PROSER2: variants seen among roughly 807,000 people sequenced by gnomAD.
PROSER2 encodes the protein proline and serine-rich protein 2.
In PROSER2, 18 loss-of-function variants were observed where a neutral mutation model predicts 14.6. The ratio of observed to expected loss-of-function variants is 1.23; its 90% CI spans 0.85 to 1.83. The LOEUF (loss-of-function observed/expected upper bound fraction) is 1.83, where lower values mean the gene tolerates loss of function less well. Among genes scored for constraint, PROSER2 ranks in the 40% most tolerant of loss-of-function variants. The probability of loss-of-function intolerance (pLI) is 0.00; values close to 1 mark genes in which losing one functional copy is unlikely to be tolerated. For synonymous variants in PROSER2, 367 were observed against 286.4 expected (o/e 1.28, Z -2.84); for missense variants, 823 against 629.8 (o/e 1.31, Z -3.28).
chr10:11,837,230 C>G lies in PROSER2; in HGVS notation c.-82+13760C>G, dbSNP rs1234216973. ...TTGGAGAAGAAAAAAAAATCAAATG[C>G]TGAGGTCGCTGAGACCTACTGTAAG... is the stretch of plus-strand genomic sequence containing the variant. On this transcript the variant is annotated intron_variant, in intron 1 of 3. Coordinates refer to ENST00000277570, the MANE Select transcript of PROSER2 (RefSeq NM_153256.4). This position sits in a 1 kb window ranked among gnomAD's most constrained non-coding sequence, Gnocchi z 4.6. Among the ~76,000 whole-genome samples the G allele has an allele frequency of 1.3e-5, 2 of 152,162 alleles. No homozygotes were observed. The highest frequency in any genetic ancestry group is 4.8e-5 in the African/African-American group (2 of 41,442).
chr10:11,858,870 G>A (rs537153294), intron 2 of PROSER2, among the ~76,000 whole-genome samples: 30 of 151,876 alleles, frequency 2.0e-4, no homozygotes, highest in African/African-American at 6.3e-4. Flanking sequence ...TTAGCTGGGC[G>A]TGTTGGCAGG....
At chr10:11,832,180 G>A (rs553649469) in intron 1 of PROSER2, among the ~76,000 whole-genome samples, 4 of 152,278 alleles carry the variant, frequency 2.6e-5, no homozygotes, top group African/African-American at 7.2e-5. Flanking sequence ...GTGCTAAACC[G>A]TGACCGCATC....
In PROSER2 at chr10:11,870,679, C is replaced by G. The variant is rs977303695; in HGVS notation, c.*273C>G. On this transcript the variant is annotated 3_prime_UTR_variant, in exon 4 of 4. Coordinates refer to ENST00000277570, the MANE Select transcript of PROSER2 (RefSeq NM_153256.4). ...CAAGAACTGAGAGAGAGAGAATAAC[C>G]TGTTAGACCCATAGGTTTCCGTGAT... is the stretch of plus-strand genomic sequence containing the variant. 1 of 384,070 alleles carries G rather than the reference C, an allele frequency of 2.6e-6. No individual in the cohort carries two copies. Among genetic ancestry groups the G allele is most frequent in the African/African-American group, 2.1e-5 (1 of 46,918 alleles). The allele number at this position is 384,070 out of a possible 1,614,324, so 23.8% of individuals were successfully genotyped here.
At chr10:11,842,302 C>T (rs1435354278) in intron 1 of PROSER2, among the ~76,000 whole-genome samples, 1 of 150,596 alleles carries the variant, frequency 6.6e-6, no homozygotes, top group Non-Finnish European at 1.5e-5. Context: ...CAAATATTTA[C>T]ATTTTTATCA....
rs1228163633 is a variant in PROSER2, at chr10:11,837,648, GT to G, written c.-82+14180del. Among the ~76,000 whole-genome samples, 3 of 152,190 alleles carry G rather than the reference GT, an allele frequency of 2.0e-5. No homozygotes were observed. The highest frequency in any genetic ancestry group is 7.2e-5 in the African/African-American group (3 of 41,438). ...TAAGGGGAATAATTTTTCCATTCAC[GT>G]TCAGAACTACCAAAGACAGTAATGA... is the stretch of plus-strand genomic sequence containing the variant. On this transcript the variant is annotated intron_variant, in intron 1 of 3. Coordinates refer to ENST00000277570, the MANE Select transcript of PROSER2 (RefSeq NM_153256.4). This position sits in a 1 kb window ranked among gnomAD's most constrained non-coding sequence, Gnocchi z 4.6.
chr10:11,842,924 C>A (rs1833865071), intron 1 of PROSER2, among the ~76,000 whole-genome samples: 1 of 84,982 alleles, frequency 1.2e-5, no homozygotes, highest in African/African-American at 3.8e-5. Context: ...ACTATTTTGC[C>A]ATTGTTCTTT....
At chr10:11,863,317 C>A (rs1299708427) in intron 2 of PROSER2, among the ~76,000 whole-genome samples, 1 of 152,088 alleles carries the variant, frequency 6.6e-6, no homozygotes, top group Non-Finnish European at 1.5e-5. Context: ...CCTCTCAGAT[C>A]ACAGTGTGGA....
intron 1 of PROSER2, among the ~76,000 whole-genome samples, chr10:11,832,549 T>C (rs1833701926): frequency 6.6e-6 from 1 of 152,210 alleles, no homozygotes; most frequent in South Asian, 2.1e-4. Flanking sequence ...TGTTTATTGG[T>C]GTCAACTTTT....
chr10:11,870,168 G>T lies in PROSER2; in HGVS notation c.1070G>T (p.Ser357Ile). The change falls in exon 4 of 4, where the codon AGC becomes ATC. Residue 357 changes from serine to isoleucine, a missense_variant. Physicochemically the swap from Ser to Ile is moderately radical, Grantham distance 142. Coordinates refer to ENST00000277570, the MANE Select transcript of PROSER2 (RefSeq NM_153256.4). ...SAHEALKSAP[S>I]SFAPAGKSLC... ...CACGAGGCCCTGAAGAGCGCACCCA[G>T]CTCCTTCGCGCCCGCTGGGAAGTCC... is the stretch of plus-strand genomic sequence containing the variant. The T allele has an allele frequency of 6.8e-7, 1 of 1,476,616 alleles. No individual in the cohort carries two copies. The highest frequency in any genetic ancestry group is 8.9e-7 in the Non-Finnish European group (1 of 1,120,824). The allele number at this position is 1,476,616 out of a possible 1,614,324, so 91.5% of individuals were successfully genotyped here. A position where few individuals can be genotyped will look rare whatever the true frequency, so the allele number is the denominator to read the frequency against.
chr10:11,869,813 G>A lies in PROSER2; in HGVS notation c.715G>A (p.Gly239Ser). 6.4e-7 allele frequency: 1 copy of A among 1,562,510 alleles called. No homozygotes were observed. Among genetic ancestry groups the A allele is most frequent in the Non-Finnish European group, 8.6e-7 (1 of 1,157,214 alleles). The change falls in exon 4 of 4, where the codon GGC becomes AGC. Residue 239 changes from glycine to serine, a missense_variant. Physicochemically the swap from Gly to Ser is moderately conservative, Grantham distance 56. Transcript: ENST00000277570. The surrounding 1 kb of genome is among the most constrained non-coding windows in gnomAD (Gnocchi z 4.4). ...CCGGGGGCCCCGCAGTGGAGACCCT[G>A]GCCCGGGGCCCAGCCACCCGGCGCA... The part of the protein sequence containing the change: ...AARGPRSGDP[G>S]PGPSHPAQPK...
chr10:11,832,438 G>A (rs1323523682), intron 1 of PROSER2, among the ~76,000 whole-genome samples: 3 of 152,142 alleles, frequency 2.0e-5, no homozygotes, highest in African/African-American at 7.2e-5. Context: ...CCATTTTTAA[G>A]ATTAATTTTG....
intron 1 of PROSER2, among the ~76,000 whole-genome samples, chr10:11,844,072 A>T (rs57802728): frequency 7.2e-5 from 11 of 152,066 alleles, no homozygotes; most frequent in African/African-American, 2.7e-4. Context: ...GCTCACTGCC[A>T]CCTCCAACTC....
intron 1 of PROSER2, among the ~76,000 whole-genome samples, chr10:11,824,125 T>A (rs1333960063): frequency 1.3e-5 from 2 of 152,214 alleles, no homozygotes; most frequent in Non-Finnish European, 2.9e-5. Context: ...AGCATGTAGT[T>A]GTTTGGTGTA....
At position 11,869,366 on chromosome 10, in the gene PROSER2, A is replaced by C; in HGVS notation, c.392-124A>C. ...AACAGGGAGAGAGGAGTTGACTCAC[A>C]GGCAGCACCGGCGAAGTTGGTGTCA... On this transcript the variant is annotated intron_variant, in intron 3 of 3. Transcript: ENST00000277570. The surrounding 1 kb of genome is among the most constrained non-coding windows in gnomAD (Gnocchi z 4.4). The C allele has an allele frequency of 1.5e-6, 1 of 684,364 alleles. No individual in the cohort carries two copies. Among genetic ancestry groups the C allele is most frequent in the Non-Finnish European group, 2.6e-6 (1 of 381,504 alleles). The allele number at this position is 684,364 out of a possible 1,614,324, so 42.4% of individuals were successfully genotyped here. A position where few individuals can be genotyped will look rare whatever the true frequency, so the allele number is the denominator to read the frequency against.
Position 11,869,383 on chromosome 10 carries a change from T to C in PROSER2, c.392-107T>C, listed in dbSNP as rs1834417084. 1.3e-6 allele frequency: 1 copy of C among 778,854 alleles called. No homozygotes were observed. Among genetic ancestry groups the C allele is most frequent in the Non-Finnish European group, 2.2e-6 (1 of 456,430 alleles). 48.2% of individuals were successfully genotyped at this position (778,854 alleles called of 1,614,324 possible). A position where few individuals can be genotyped will look rare whatever the true frequency, so the allele number is the denominator to read the frequency against. ...TGACTCACAGGCAGCACCGGCGAAG[T>C]TGGTGTCAGGTCCAGGTTGAGGCTC... On this transcript the variant is annotated intron_variant, in intron 3 of 3. Coordinates refer to ENST00000277570, the MANE Select transcript of PROSER2 (RefSeq NM_153256.4). The surrounding 1 kb of genome is among the most constrained non-coding windows in gnomAD (Gnocchi z 4.4).
rs761319948 is a variant in PROSER2, at chr10:11,838,009, G to A, written c.-81-13988G>A. Among the ~76,000 whole-genome samples the A allele has an allele frequency of 6.6e-6, 1 of 152,022 alleles. No homozygotes were observed. The highest frequency in any genetic ancestry group is 2.4e-5 in the African/African-American group (1 of 41,364). The stretch of plus-strand genomic sequence containing the variant: ...TCATTAGATCATAACTTATCTGCCT[G>A]TATCATCTCCTGACATACTGGGTCT... On this transcript the variant is annotated intron_variant, in intron 1 of 3. Coordinates refer to ENST00000277570, the MANE Select transcript of PROSER2 (RefSeq NM_153256.4). The surrounding 1 kb of genome is among the most constrained non-coding windows in gnomAD (Gnocchi z 4.4).
At position 11,871,882 on chromosome 10, in the gene PROSER2, G is replaced by T. The variant is rs1358007733; in HGVS notation, c.*1476G>T. 2 of 152,196 alleles carry T rather than the reference G, an allele frequency of 1.3e-5. No homozygotes were observed. Among genetic ancestry groups the T allele is most frequent in the African/African-American group, 4.8e-5 (2 of 41,454 alleles). The allele number at this position is 152,196 out of a possible 1,614,324, so 9.4% of individuals were successfully genotyped here. On this transcript the variant is annotated 3_prime_UTR_variant, in exon 4 of 4. Coordinates refer to ENST00000277570, the MANE Select transcript of PROSER2 (RefSeq NM_153256.4). ...ATTTGCCTTGTAAGTTATATAAAGT[G>T]CATGATTATAATTTTTTCCTTAGAA... is the stretch of plus-strand genomic sequence containing the variant.
At position 11,851,799 on chromosome 10, in the gene PROSER2, G is replaced by T. The variant is rs191530860; in HGVS notation, c.-81-198G>T. ...ACAAACTTTTAAAAATTATTCTTAT[G>T]TGTTCAGAATGGTTAACAATATAAA... On this transcript the variant is annotated intron_variant, in intron 1 of 3. Coordinates refer to ENST00000277570, the MANE Select transcript of PROSER2 (RefSeq NM_153256.4). The T allele has an allele frequency of 2.9e-4, 77 of 264,980 alleles. No individual in the cohort carries two copies. The East Asian group carries it at 5.0e-3, about 17-fold the overall frequency. The allele number at this position is 264,980 out of a possible 1,614,324, so 16.4% of individuals were successfully genotyped here.
intron 1 of PROSER2, among the ~76,000 whole-genome samples, chr10:11,839,008 A>AT (rs1384635448): frequency 6.6e-6 from 1 of 152,220 alleles, no homozygotes; most frequent in East Asian, 1.9e-4. Flanking sequence ...TATAACTTGT[A>AT]TTTTTTGAGT....
Sources: gnomAD v4.1 joint callset for allele counts (sites outside exome capture counted in the v4.1 genomes callset) on GRCh38, gnomAD v4.1.1 for gene constraint, Gnocchi (gnomAD v3.1) non-coding constraint, MANE v1.5 for transcripts, NCBI Gene and HGNC (gene_info 2026-07-23, HGNC 2026-07-21) for gene names.